KANSL3: variants seen among roughly 807,000 people sequenced by gnomAD.
KANSL3 encodes the protein NSL complex protein NSL3.
A neutral mutation model predicts 89.2 loss-of-function variants in KANSL3; 16 were observed. The observed-to-expected ratio is 0.18, with a 90% confidence interval of 0.12 to 0.27. The LOEUF (loss-of-function observed/expected upper bound fraction) is 0.27, where lower values mean the gene tolerates loss of function less well. Ranked by LOEUF, KANSL3 falls within the 10% of genes least tolerant of loss-of-function variation. The pLI is 1.00. For synonymous variants in KANSL3, 385 were observed against 419.7 expected, an observed-to-expected ratio of 0.92 and a Z score of 1.01; for missense variants, 879 against 1,110.6, an observed-to-expected ratio of 0.79 and a Z score of 2.96.
At chr2:96,620,892 C>T (rs1033935323) in intron 3 of KANSL3, among the ~76,000 whole-genome samples, 12 of 152,154 alleles carry the variant, frequency 7.9e-5, no homozygotes, top group Middle Eastern at 6.8e-3. Flanking sequence ...GCCCCAGCTA[C>T]TCGGGAGCCT....
At chr2:96,623,538 C>G (rs563708156) in intron 3 of KANSL3, among the ~76,000 whole-genome samples, 2 of 152,276 alleles carry the variant, frequency 1.3e-5, no homozygotes, top group East Asian at 3.9e-4. Flanking sequence ...CTGGATAGAG[C>G]AAATACCCTC....
At chr2:96,600,864 A>C (rs563986632) in intron 20 of KANSL3, 1 of 985,468 alleles carries the variant, frequency 1.0e-6, no homozygotes, top group Non-Finnish European at 1.2e-6. Flanking sequence ...GGGAAGGCAC[A>C]GTGCTAGAAA....
At chr2:96,621,911 C>T (rs1232195020) in intron 3 of KANSL3, among the ~76,000 whole-genome samples, 2 of 151,764 alleles carry the variant, frequency 1.3e-5, no homozygotes, top group Non-Finnish European at 2.9e-5. Context: ...GTCAGGAGTT[C>T]GAGACCAGCC....
downstream of KANSL3, among the ~76,000 whole-genome samples, chr2:96,591,241 C>A (rs2104768283): frequency 6.6e-6 from 1 of 152,306 alleles, no homozygotes; most frequent in African/African-American, 2.4e-5. Context: ...ACAAGACAAT[C>A]TCAAAAGGCC....
At chr2:96,587,987 A>C in the KANSL3 span, among the ~76,000 whole-genome samples, 6 of 152,302 alleles carry the variant, frequency 3.9e-5, no homozygotes, top group East Asian at 1.2e-3. Flanking sequence ...CAGAAAAAAA[A>C]CAAAAGAACA....
At chr2:96,592,788 G>A (rs972997973), downstream of KANSL3, among the ~76,000 whole-genome samples, 1 of 152,136 alleles carries the variant, frequency 6.6e-6, no homozygotes, top group African/African-American at 2.4e-5. Context: ...CGGATCACAA[G>A]GTCAGGAGTT....
rs2066452099 is a variant in KANSL3, at chr2:96,595,500, TA to T, written c.*110del. 1 of 1,188,700 alleles carries T rather than the reference TA, an allele frequency of 8.4e-7. No individual in the cohort carries two copies. Among genetic ancestry groups the T allele is most frequent in the African/African-American group, 1.5e-5 (1 of 65,972 alleles). 73.6% of individuals were successfully genotyped at this position (1,188,700 alleles called of 1,614,324 possible). On this transcript the variant is annotated 3_prime_UTR_variant, in exon 21 of 21. Coordinates refer to ENST00000431828, the MANE Select transcript of KANSL3 (RefSeq NM_001115016.3). ...GGCGGAGAGGCAAAAATGACTGTCT[TA>T]AACAGGTCTTCCGACACGTGGACAG...
chr2:96,600,901 C>G (rs1042356100), intron 20 of KANSL3: 6 of 985,248 alleles, frequency 6.1e-6, no homozygotes, highest in Non-Finnish European at 7.2e-6. Flanking sequence ...GAGTATTATA[C>G]TTGGGGGCCG....
intron 2 of KANSL3, among the ~76,000 whole-genome samples, chr2:96,632,118 C>T (rs1023104409): frequency 3.9e-5 from 6 of 151,994 alleles, no homozygotes; most frequent in African/African-American, 1.5e-4. Flanking sequence ...ACTTGGGAGG[C>T]TGAAGCAGGA....
intron 2 of KANSL3, chr2:96,634,067 G>A (rs1273772947): frequency 6.6e-6 from 1 of 152,064 alleles, no homozygotes; most frequent in Non-Finnish European, 1.5e-5. Context: ...AAGTCAACTG[G>A]TAGTTATTTA....
chr2:96,593,777 T>C lies in KANSL3; in HGVS notation c.*1834A>G, dbSNP rs2066362796. On this transcript the variant is annotated 3_prime_UTR_variant, in exon 21 of 21. Transcript: ENST00000431828. ...CTAAATGATTCCTAAAAGCTTCATA[T>C]AGCTCATATAGTCTTATTGTCCACT... The C allele has an allele frequency of 6.1e-6, 1 of 164,292 alleles. No individual in the cohort carries two copies. Among genetic ancestry groups the C allele is most frequent in the African/African-American group, 2.4e-5 (1 of 41,828 alleles). 10.2% of individuals were successfully genotyped at this position (164,292 alleles called of 1,614,324 possible). A position where few individuals can be genotyped will look rare whatever the true frequency, so the allele number is the denominator to read the frequency against.
At chr2:96,629,640 A>G (rs1233354801) in intron 3 of KANSL3, among the ~76,000 whole-genome samples, 1 of 152,172 alleles carries the variant, frequency 6.6e-6, no homozygotes, top group Non-Finnish European at 1.5e-5. Context: ...ATTAATTCCA[A>G]TGCAAGACCC....
chr2:96,637,188 G>T lies in KANSL3; in HGVS notation c.-50-3C>A. ...ATGGGTATCTGCATGCTAGTCACCT[G>T]CAGTGAAAAGTTTCAGTTTAGGTCA... On this transcript the variant is annotated splice_region_variant and splice_polypyrimidine_tract_variant and intron_variant, in intron 1 of 20. Transcript: ENST00000431828. 1 of 1,205,274 alleles carries T rather than the reference G, an allele frequency of 8.3e-7. No individual in the cohort carries two copies. Among genetic ancestry groups the T allele is most frequent in the Non-Finnish European group, 1.2e-6 (1 of 846,984 alleles). 74.7% of individuals were successfully genotyped at this position (1,205,274 alleles called of 1,614,324 possible).
chr2:96,610,553 G>A (rs2068747332), intron 11 of KANSL3, 173 bp downstream of exon 11: 3 of 577,136 alleles, frequency 5.2e-6, no homozygotes, highest in Non-Finnish European at 9.1e-6. Flanking sequence ...CTGACCTCGT[G>A]ATCCGCCTGC....
the KANSL3 span, among the ~76,000 whole-genome samples, chr2:96,584,823 A>G: frequency 7.2e-5 from 11 of 152,224 alleles, no homozygotes; most frequent in Non-Finnish European, 1.5e-4. Context: ...GTGCTGTAAT[A>G]AACATGGGAG....
Position 96,610,440 on chromosome 2 carries a change from C to G in KANSL3, c.1319+286G>C, listed in dbSNP as rs990127109. On this transcript the variant is annotated intron_variant, in intron 11 of 20. Transcript: ENST00000431828. ...ACACCATTCTCCTGCCTCAGCCTCCCGAGTAGCTGGGACTACAGGCGCCCG... is the reference window on the plus strand; with the variant it reads ...ACACCATTCTCCTGCCTCAGCCTCCGGAGTAGCTGGGACTACAGGCGCCCG... 4 of 231,466 alleles carry G rather than the reference C, an allele frequency of 1.7e-5. No homozygotes were observed. The South Asian group carries it at 3.1e-4, about 18-fold the overall frequency. The allele number at this position is 231,466 out of a possible 1,614,324, so 14.3% of individuals were successfully genotyped here.
chr2:96,615,173 A>AAAAAAAAAAAAAAAAAG (rs2069796710), intron 5 of KANSL3: 1 of 151,030 alleles, frequency 6.6e-6, no homozygotes, highest in African/African-American at 2.5e-5. Flanking sequence ...CTCAAAAAAA[A>AAAAAAAAAAAAAAAAAG]AAAAAAAAAA....
At chr2:96,604,906 G>T in intron 15 of KANSL3, 43 bp from the exon 16 acceptor site, 1 of 1,501,420 alleles carries the variant, frequency 6.7e-7, no homozygotes, top group Non-Finnish European at 9.0e-7. Flanking sequence ...AGTCCTATTT[G>T]GCCTCTATGT....
rs2066444982 is a variant in KANSL3, at chr2:96,595,374, G to T, written c.*237C>A. 1.9e-6 allele frequency: 1 copy of T among 521,816 alleles called. No homozygotes were observed. Among genetic ancestry groups the T allele is most frequent in the South Asian group, 2.4e-5 (1 of 41,238 alleles). The allele number at this position is 521,816 out of a possible 1,614,324, so 32.3% of individuals were successfully genotyped here. On this transcript the variant is annotated 3_prime_UTR_variant, in exon 21 of 21. Transcript: ENST00000431828. ...TCCATGTACAGCCAGATCTGCTGAG[G>T]AGTCTGGGGTTCCCAGGAACCAGAT...
Sources: gnomAD v4.1 joint callset for allele counts (sites outside exome capture counted in the v4.1 genomes callset) on GRCh38, gnomAD v4.1.1 for gene constraint, MANE v1.5 for transcripts, NCBI Gene and HGNC (gene_info 2026-07-23, HGNC 2026-07-21) for gene names.